Variants in CLCA4 observed in about 807,000 individuals in gnomAD.
CLCA4 encodes chloride channel accessory 4, also known as calcium-activated chloride channel regulator 4.
A neutral mutation model predicts 78.9 loss-of-function variants in CLCA4; 69 were observed. The observed-to-expected ratio is 0.87, with a 90% CI of 0.72 to 1.07. The LOEUF is 1.07. Among genes scored for constraint, CLCA4 ranks in the 50% least tolerant of loss-of-function variants. The probability of loss-of-function intolerance (pLI) is 0.00; values close to 1 mark genes in which losing one functional copy is unlikely to be tolerated. For missense variants in CLCA4, 1,133 were observed against 1,095.8 expected (o/e 1.03, Z -0.48); for synonymous variants, 362 against 375.8 (o/e 0.96, Z 0.42).
Position 86,575,491 on chromosome 1 carries a change from G to A in CLCA4, c.1843G>A (p.Ala615Thr), listed in dbSNP as rs762321992. 1.0e-4 allele frequency: 161 copies of A among 1,613,368 alleles called. No homozygotes were observed. The highest frequency in any genetic ancestry group is 1.4e-4 in the Non-Finnish European group (160 of 1,179,594). ...TTTCCCCAGCCCAATGATTGTTTAC[G>A]CAGAAATTCTACAAGGATATGTACC... ...NSFPSPMIVY[A>T]EILQGYVPVL... is the part of the protein sequence containing the mutation. The change falls in exon 11 of 14, where the codon GCA (alanine) becomes ACA (threonine). Residue 615 changes from alanine (A) to threonine (T), a missense_variant. Ala to Thr is a moderately conservative substitution (Grantham distance 58). Transcript: ENST00000370563.
intron 1 of CLCA4, among the ~76,000 whole-genome samples, chr1:86,550,029 T>TC (rs1649609904): frequency 6.6e-6 from 1 of 152,218 alleles, no homozygotes; most frequent in Non-Finnish European, 1.5e-5. Context: ...AAATTATTTT[T>TC]CCCTCTCCCT....
intron 1 of CLCA4, among the ~76,000 whole-genome samples, chr1:86,556,111 A>G (rs1311923692): frequency 2.6e-5 from 4 of 152,158 alleles, no homozygotes; most frequent in African/African-American, 7.2e-5. Context: ...GGCTGAGACT[A>G]TGGGGTTTTC....
intron 1 of CLCA4, among the ~76,000 whole-genome samples, chr1:86,549,015 T>C (rs1202852317): frequency 1.3e-5 from 2 of 152,222 alleles, no homozygotes; most frequent in Admixed American, 6.5e-5. Context: ...AGTAAAATTT[T>C]TTTAAAGCCT....
In CLCA4 at chr1:86,577,993, T is replaced by C. The variant is rs1558200769; in HGVS notation, c.2043T>C (p.His681=). 5 of 1,612,718 alleles carry C rather than the reference T, an allele frequency of 3.1e-6. No individual in the cohort carries two copies. Among genetic ancestry groups the C allele is most frequent in the African/African-American group, 1.3e-5 (1 of 74,846 alleles). Residue 681 remains histidine, a synonymous_variant, in exon 12 of 14, where the codon CAT becomes CAC. Coordinates refer to ENST00000370563, the MANE Select transcript of CLCA4 (RefSeq NM_012128.4). Reference sequence around the variant, plus strand: ...GATATAGCTTAAAAGTTCGGGCTCATGGAGGAGCAAACACTGCCAGGCTAA... The same window carrying C: ...GATATAGCTTAAAAGTTCGGGCTCACGGAGGAGCAAACACTGCCAGGCTAA... ...NGRYSLKVRA[H]GGANTARLKL...
Position 86,567,573 on chromosome 1 carries a change from A to C in CLCA4, c.1104A>C (p.Arg368Ser), listed in dbSNP as rs368925747. ...TCCAAATAAAAAGCAGTGATGAAAGAAACACACTCATGGCAGGATTACCTA... is the reference window on the plus strand; with the variant it reads ...TCCAAATAAAAAGCAGTGATGAAAGCAACACACTCATGGCAGGATTACCTA... ...KLIQIKSSDE[R>S]NTLMAGLPTY... Residue 368 changes from arginine to serine, a missense_variant, in exon 7 of 14, where the codon AGA becomes AGC. Arg to Ser is a moderately radical substitution (Grantham distance 110). Transcript: ENST00000370563. 17 of 1,613,314 alleles carry C rather than the reference A, an allele frequency of 1.1e-5. No homozygotes were observed. In the South Asian group the frequency reaches 1.5e-4, roughly 15 times the overall value.
rs762204575 is a variant in CLCA4 at position 86,579,426 on chromosome 1, G to A, written c.2195G>A (p.Arg732Gln). The change falls in exon 13 of 14, where the codon CGA becomes CAA. Residue 732 changes from arginine (R) to glutamine (Q), a missense_variant. Coordinates refer to ENST00000370563, the MANE Select transcript of CLCA4 (RefSeq NM_012128.4). ...DTQTTLEDFS[R>Q]TASGGAFVVS... The stretch of plus-strand genomic sequence containing the variant: ...CAGACCACCTTGGAGGATTTCAGCC[G>A]AACAGCATCCGGAGGTGCATTTGTG... 18 of 1,613,282 alleles carry A rather than the reference G, an allele frequency of 1.1e-5. No homozygotes were observed. The highest frequency in any genetic ancestry group is 1.7e-4 in the Middle Eastern group (1 of 6,050).
chr1:86,577,313 G>A (rs1650549235), intron 11 of CLCA4, among the ~76,000 whole-genome samples: 1 of 152,038 alleles, frequency 6.6e-6, no homozygotes, highest in Non-Finnish European at 1.5e-5. Flanking sequence ...GTCTGCAAAT[G>A]TCTTTAGTCT....
At chr1:86,553,613 C>G (rs147349155) in intron 1 of CLCA4, among the ~76,000 whole-genome samples, 89 of 152,320 alleles carry the variant, frequency 5.8e-4, no homozygotes, top group African/African-American at 2.0e-3. Flanking sequence ...GCTTAGGAAA[C>G]TAGCCATAGT....
rs1650094614 is a variant in CLCA4 at position 86,563,776 on chromosome 1, C to G, written c.557+7C>G. On this transcript the variant is annotated splice_region_variant and intron_variant, in intron 4 of 13. Coordinates refer to ENST00000370563, the MANE Select transcript of CLCA4 (RefSeq NM_012128.4). ...AAAAAATCGAAGCAACAAGGCATGG[C>G]TATTTAAATTTTCTAAACTGACTTC... 1 of 1,526,582 alleles carries G rather than the reference C, an allele frequency of 6.6e-7. No homozygotes were observed. Among genetic ancestry groups the G allele is most frequent in the African/African-American group, 1.4e-5 (1 of 72,638 alleles). 94.6% of individuals were successfully genotyped at this position (1,526,582 alleles called of 1,614,324 possible). A position where few individuals can be genotyped will look rare whatever the true frequency, so the allele number is the denominator to read the frequency against.
At chr1:86,576,634 A>C (rs1218414070) in intron 11 of CLCA4, among the ~76,000 whole-genome samples, 2 of 152,108 alleles carry the variant, frequency 1.3e-5, no homozygotes, top group Non-Finnish European at 2.9e-5. Flanking sequence ...AATGTGATTA[A>C]GTGATAGAGC....
chr1:86,579,216 T>C (rs1430563382), intron 12 of CLCA4, 138 bp from the exon 13 acceptor site: 8 of 670,404 alleles, frequency 1.2e-5, no homozygotes, highest in Non-Finnish European at 1.8e-5. Flanking sequence ...TGGGCGCTTA[T>C]GATTGTCACA....
chr1:86,570,410 C>A (rs1330035745), intron 7 of CLCA4, among the ~76,000 whole-genome samples: 1 of 151,982 alleles, frequency 6.6e-6, no homozygotes, highest in Non-Finnish European at 1.5e-5. Flanking sequence ...GAGTTTCAAA[C>A]TGTTTGGCAT....
At chr1:86,556,453 T>C (rs1649847871) in intron 1 of CLCA4, among the ~76,000 whole-genome samples, 1 of 152,200 alleles carries the variant, frequency 6.6e-6, no homozygotes, top group African/African-American at 2.4e-5. Context: ...CATGTGGTTT[T>C]TGTCTTTAGT....
At chr1:86,550,460 T>C (rs939462316) in intron 1 of CLCA4, among the ~76,000 whole-genome samples, 1 of 152,122 alleles carries the variant, frequency 6.6e-6, no homozygotes, top group African/African-American at 2.4e-5. Context: ...GAAATTCAAT[T>C]GTTTACAGGC....
At chr1:86,548,974 T>C (rs1649578242) in intron 1 of CLCA4, among the ~76,000 whole-genome samples, 1 of 152,188 alleles carries the variant, frequency 6.6e-6, no homozygotes, top group Admixed American at 6.5e-5. Context: ...TAAAGAATTC[T>C]TTGTTGAATG....
intron 1 of CLCA4, among the ~76,000 whole-genome samples, chr1:86,552,367 C>G (rs1033943066): frequency 6.6e-6 from 1 of 152,202 alleles, no homozygotes; most frequent in African/African-American, 2.4e-5. Context: ...GCTGTAAGGA[C>G]GTCAGGACCG....
intron 1 of CLCA4, among the ~76,000 whole-genome samples, chr1:86,551,075 C>T (rs1649647556): frequency 6.6e-6 from 1 of 152,032 alleles, no homozygotes; most frequent in South Asian, 2.1e-4. Context: ...TCGTGATCCG[C>T]CCGCCTCGGC....
Position 86,572,679 on chromosome 1 carries a change from C to G in CLCA4, c.1426C>G (p.Leu476Val). ...TGGCCTCATTGATGCTTTTGGGGCT[C>G]TTACATCAGGAAATACTGATCTCTC... is the stretch of plus-strand genomic sequence containing the variant. ...NNGLIDAFGA[L>V]TSGNTDLSQK... Residue 476 changes from leucine (L) to valine (V), a missense_variant, in exon 9 of 14, where the codon CTT (leucine) becomes GTT (valine). Physicochemically the swap from Leu to Val is conservative, Grantham distance 32. Coordinates refer to ENST00000370563, the MANE Select transcript of CLCA4 (RefSeq NM_012128.4). 6.2e-7 allele frequency: 1 copy of G among 1,608,404 alleles called. No homozygotes were observed. The highest frequency in any genetic ancestry group is 1.7e-5 in the Admixed American group (1 of 59,898).
intron 1 of CLCA4, among the ~76,000 whole-genome samples, chr1:86,547,977 G>C (rs1241257254): frequency 6.6e-6 from 1 of 152,168 alleles, no homozygotes; most frequent in Non-Finnish European, 1.5e-5. Flanking sequence ...TAGTGGAATT[G>C]CTGAATCATG....
Sources: allele counts gnomAD v4.1 joint callset (sites outside exome capture counted in the v4.1 genomes callset), GRCh38; gene constraint gnomAD v4.1.1; transcripts MANE v1.5; gene names NCBI Gene and HGNC (gene_info 2026-07-23, HGNC 2026-07-21).